The following VASH1 variants were observed in gnomAD, a reference collection of about 807,000 sequenced individuals.
VASH1 encodes the protein vasohibin 1, also known as tubulinyl-Tyr carboxypeptidase 1.
Under a neutral mutation model 35.0 loss-of-function variants are expected in VASH1, and 16 were observed. The observed-to-expected ratio is 0.46, with a 90% CI of 0.31 to 0.70. The LOEUF is 0.70. Among genes scored for constraint, VASH1 ranks in the 30% least tolerant of loss-of-function variants. VASH1 has a pLI of 0.05. For missense variants in VASH1, 505 were observed against 510.7 expected (o/e 0.99, Z 0.11); for synonymous variants, 214 against 200.9 (o/e 1.07, Z -0.55).
At chr14:76,773,462 C>A in intron 4 of VASH1, 1 of 529,158 alleles carries the variant, frequency 1.9e-6, no homozygotes, top group South Asian at 3.1e-5. Context: ...TTTTTTGAGT[C>A]ACGTGGATAC....
intron 4 of VASH1, among the ~76,000 whole-genome samples, chr14:76,775,664 C>T (rs2140185606): frequency 6.6e-6 from 1 of 152,276 alleles, no homozygotes; most frequent in South Asian, 2.1e-4. Flanking sequence ...TCCCTGGAAG[C>T]CCCGTGCCTA....
In VASH1 at chr14:76,762,991, G is replaced by C. The variant is rs1472313319; in HGVS notation, c.170G>C (p.Gly57Ala). ...GGGGAAGAGGACCTGCGAGACGGAG[G>C]CGTCCCCTTCTTTGTCAACCGGGGT... is the stretch of plus-strand genomic sequence containing the variant. ...EEGEEDLRDGGVPFFVNRGGL... is the reference protein window; with the variant it reads ...EEGEEDLRDGAVPFFVNRGGL... The change falls in exon 1 of 7, where the codon GGC becomes GCC. Residue 57 changes from glycine (G) to alanine (A), a missense_variant. Physicochemically the swap from Gly to Ala is moderately conservative, Grantham distance 60. Coordinates refer to ENST00000167106, the MANE Select transcript of VASH1 (RefSeq NM_014909.5). The C allele has an allele frequency of 6.5e-7, 1 of 1,550,166 alleles. No homozygotes were observed. Among genetic ancestry groups the C allele is most frequent in the Admixed American group, 2.0e-5 (1 of 50,524 alleles).
At chr14:76,775,765 T>G in intron 4 of VASH1, 127 bp from the exon 5 acceptor site, 1 of 1,361,352 alleles carries the variant, frequency 7.3e-7, no homozygotes, top group African/African-American at 1.5e-5. Flanking sequence ...CGTATGGAGA[T>G]GAGCAGGACT....
chr14:76,775,838 G>A, intron 4 of VASH1, 54 bp from the exon 5 acceptor site: 4 of 1,494,706 alleles, frequency 2.7e-6, no homozygotes, highest in South Asian at 1.3e-5. Context: ...AGTCCCTCCC[G>A]GTGTGCTGGC....
In VASH1 at chr14:76,771,193, C is replaced by T; in HGVS notation, c.402C>T (p.Tyr134=). Residue 134 remains tyrosine, a synonymous_variant, in exon 3 of 7, where the codon TAC becomes TAT. Transcript: ENST00000167106. ...AGCCCTTAACCCGTGCCCACAGGTA[C>T]AATCACACAGGGACACAGTTCTTTG... The part of the protein sequence containing the change: ...AVQRYIRELQ[Y]NHTGTQFFEI... 6.3e-7 allele frequency: 1 copy of T among 1,597,510 alleles called. No homozygotes were observed. Among genetic ancestry groups the T allele is most frequent in the Non-Finnish European group, 8.5e-7 (1 of 1,171,844 alleles).
intron 1 of VASH1, among the ~76,000 whole-genome samples, chr14:76,766,002 C>A (rs1893632516): frequency 6.6e-6 from 1 of 152,230 alleles, no homozygotes; most frequent in South Asian, 2.1e-4. Flanking sequence ...AGGCAACTTT[C>A]TTGTGCCTCA....
At chr14:76,775,477 G>A (rs1461904244) in intron 4 of VASH1, among the ~76,000 whole-genome samples, 5 of 152,138 alleles carry the variant, frequency 3.3e-5, no homozygotes, top group Non-Finnish European at 1.5e-5. Flanking sequence ...GACAGGGTGA[G>A]GGTAAGAGAA....
At position 76,762,527 on chromosome 14, in the gene VASH1, AGATGGGGGTGCTTT is replaced by A. The variant is rs1043827921; in HGVS notation, c.-293_-280del. ...GCTGCCCGTCATTGTTCTCGCAGTT[AGATGGGGGTGCTTT>A]GTGACGGCTGCCAAGTTGGGGTGTG... On this transcript the variant is annotated 5_prime_UTR_variant, in exon 1 of 7. The change abolishes an upstream ATG in the 5' untranslated region. Coordinates refer to ENST00000167106, the MANE Select transcript of VASH1 (RefSeq NM_014909.5). 3 of 261,646 alleles carry A rather than the reference AGATGGGGGTGCTTT, an allele frequency of 1.1e-5. No homozygotes were observed. The Admixed American group carries it at 1.6e-4, about 14-fold the overall frequency. The allele number at this position is 261,646 out of a possible 1,614,324, so 16.2% of individuals were successfully genotyped here. A position where few individuals can be genotyped will look rare whatever the true frequency, so the allele number is the denominator to read the frequency against.
At position 76,771,220 on chromosome 14, in the gene VASH1, A is replaced by T. The variant is rs768407983; in HGVS notation, c.429A>T (p.Glu143Asp). 1 of 1,604,946 alleles carries T rather than the reference A, an allele frequency of 6.2e-7. No individual in the cohort carries two copies. The highest frequency in any genetic ancestry group is 8.5e-7 in the Non-Finnish European group (1 of 1,175,668). The change falls in exon 3 of 7, where the codon GAA (glutamate) becomes GAT (aspartate). Residue 143 changes from glutamate to aspartate, a missense_variant. By Grantham distance (45) the Glu-to-Asp change is conservative. Transcript: ENST00000167106. ...QYNHTGTQFF[E>D]IKKSRPLTGL... ...ATCACACAGGGACACAGTTCTTTGA[A>T]ATTAAGAAGAGCAGACCTCTGACAG... is the stretch of plus-strand genomic sequence containing the variant.
chr14:76,771,513 GC>G (rs1341828882), intron 3 of VASH1, among the ~76,000 whole-genome samples: 1 of 152,234 alleles, frequency 6.6e-6, no homozygotes, highest in African/African-American at 2.4e-5. Context: ...CCCAGCTCTT[GC>G]CTTGGCCAGG....
intron 4 of VASH1, chr14:76,774,462 A>G (rs1467593549): frequency 6.6e-6 from 1 of 152,244 alleles, no homozygotes; most frequent in Non-Finnish European, 1.5e-5. Flanking sequence ...CCCTCATAGG[A>G]GAGAGACTGG....
At chr14:76,767,380 G>A (rs72737512) in intron 1 of VASH1, among the ~76,000 whole-genome samples, 5,848 of 152,140 alleles carry the variant, frequency 0.038, 165 homozygotes, top group Middle Eastern at 0.092. Flanking sequence ...CTTTTTGGGC[G>A]CACACATCCA....
intron 5 of VASH1, among the ~76,000 whole-genome samples, chr14:76,777,590 C>T (rs559155053): frequency 2.6e-5 from 4 of 152,202 alleles, no homozygotes; most frequent in Non-Finnish European, 4.4e-5. Context: ...GCTGGAGATA[C>T]CCAGCATCAC....
rs114769233 is a variant in VASH1, at chr14:76,777,408, G to A, written c.913-551G>A. 2.9e-3 allele frequency among the ~76,000 whole-genome samples: 435 copies of A among 152,334 alleles called. 2 individuals are homozygous for A. The highest frequency in any genetic ancestry group is 0.01 in the African/African-American group (417 of 41,578). ...TTCCCTAGTGTTTAGAGCTGTGATG[G>A]ATTCCCAGCCTATTCAGTGCTAAAC... On this transcript the variant is annotated intron_variant, in intron 5 of 6. Transcript: ENST00000167106.
rs931647306 is a variant in VASH1 at position 76,776,205 on chromosome 14, G to A, written c.844G>A (p.Val282Met). ...CGAGTGGAAGCACTCGGTGCTGGAC[G>A]TGGAGCGCCTGGGCCGCGATGACTT... ...QIEWKHSVLD[V>M]ERLGRDDFRK... The change falls in exon 5 of 7, where the codon GTG becomes ATG. Residue 282 changes from valine (V) to methionine (M), a missense_variant. Physicochemically the swap from Val to Met is conservative, Grantham distance 21. Coordinates refer to ENST00000167106, the MANE Select transcript of VASH1 (RefSeq NM_014909.5). The A allele has an allele frequency of 4.3e-6, 7 of 1,609,912 alleles. No homozygotes were observed. The highest frequency in any genetic ancestry group is 1.3e-5 in the African/African-American group (1 of 74,912).
At position 76,762,732 on chromosome 14, in the gene VASH1, G is replaced by C; in HGVS notation, c.-90G>C. 8.1e-7 allele frequency: 1 copy of C among 1,235,982 alleles called. No individual in the cohort carries two copies. Among genetic ancestry groups the C allele is most frequent in the Non-Finnish European group, 1.1e-6 (1 of 922,852 alleles). 76.6% of individuals were successfully genotyped at this position (1,235,982 alleles called of 1,614,324 possible). A position where few individuals can be genotyped will look rare whatever the true frequency, so the allele number is the denominator to read the frequency against. The stretch of plus-strand genomic sequence containing the variant: ...TTTCTTAAAGGCGCCTTGCACTCTG[G>C]CCATGTGTTATCTCTGCAGCCGGTG... On this transcript the variant is annotated 5_prime_UTR_variant, in exon 1 of 7. Transcript: ENST00000167106.
chr14:76,777,992 A>G lies in VASH1; in HGVS notation c.946A>G (p.Lys316Glu). The stretch of plus-strand genomic sequence containing the variant: ...AGGGACGGGCCCTCCCTCTCCCACC[A>G]AGGACCGGAAGAAGGATGTTTCTTC... ...GKGTGPPSPTKDRKKDVSSPQ... is the reference protein window; with the variant it reads ...GKGTGPPSPTEDRKKDVSSPQ... Residue 316 changes from lysine (K) to glutamate (E), a missense_variant, in exon 6 of 7, where the codon AAG becomes GAG. Physicochemically the swap from Lys to Glu is moderately conservative, Grantham distance 56. Transcript: ENST00000167106. 6.5e-7 allele frequency: 1 copy of G among 1,545,822 alleles called. No homozygotes were observed.
At position 76,778,854 on chromosome 14, in the gene VASH1, G is replaced by A. The variant is rs1458067202; in HGVS notation, c.1026-92G>A. On this transcript the variant is annotated intron_variant, in intron 6 of 6. Coordinates refer to ENST00000167106, the MANE Select transcript of VASH1 (RefSeq NM_014909.5). ...GAGGGCCACTTGGAGAATGTGGCGG[G>A]GAAGCCACCAGGCAGCCGCTGCTGG... The A allele has an allele frequency of 2.3e-6, 3 of 1,287,818 alleles. No homozygotes were observed. In the African/African-American group the frequency reaches 4.4e-5, roughly 19 times the overall value. 79.8% of individuals were successfully genotyped at this position (1,287,818 alleles called of 1,614,324 possible). A position where few individuals can be genotyped will look rare whatever the true frequency, so the allele number is the denominator to read the frequency against.
At chr14:76,767,564 C>A (rs920606926) in intron 1 of VASH1, among the ~76,000 whole-genome samples, 1 of 152,188 alleles carries the variant, frequency 6.6e-6, no homozygotes, top group Non-Finnish European at 1.5e-5. Flanking sequence ...CTATACCACT[C>A]CCCCTTACCG....
Sources: allele counts gnomAD v4.1 joint callset (sites outside exome capture counted in the v4.1 genomes callset), GRCh38; gene constraint gnomAD v4.1.1; transcripts MANE v1.5; gene names NCBI Gene and HGNC (gene_info 2026-07-23, HGNC 2026-07-21).